The following LRBA variants were observed in gnomAD, a reference collection of about 807,000 sequenced individuals.
LRBA encodes LPS responsive beige-like anchor protein, also known as lipopolysaccharide-responsive and beige-like anchor protein.
In LRBA, 176 loss-of-function variants were observed where a neutral mutation model predicts 330.0. That is an observed-to-expected ratio of 0.53 (90% CI 0.47 to 0.60). The LOEUF is 0.60. LRBA is among the 20% of genes least tolerant of loss of function. The pLI, the probability that LRBA is intolerant of heterozygous loss-of-function variation, is 0.00. For missense variants in LRBA, 3,259 were observed against 3,444.8 expected, an observed-to-expected ratio of 0.95 and a Z score of 1.35; for synonymous variants, 1,230 against 1,193.0, an observed-to-expected ratio of 1.03 and a Z score of -0.64.
At chr4:150,946,234 T>A (rs1311810986) in intron 2 of LRBA, among the ~76,000 whole-genome samples, 1 of 151,952 alleles carries the variant, frequency 6.6e-6, no homozygotes, top group African/African-American at 2.4e-5. Context: ...AAACAGAAAA[T>A]CAGAAAGGAT....
chr4:150,934,477 C>T (rs1734856452), intron 2 of LRBA, among the ~76,000 whole-genome samples: 1 of 152,212 alleles, frequency 6.6e-6, no homozygotes, highest in South Asian at 2.1e-4. Flanking sequence ...ATGCCAGGCC[C>T]TGAGGAAATA....
intron 36 of LRBA, among the ~76,000 whole-genome samples, chr4:150,718,281 CCT>C (rs1300071582): frequency 6.6e-6 from 1 of 152,120 alleles, no homozygotes; most frequent in Non-Finnish European, 1.5e-5. Flanking sequence ...TGTCATCAAT[CCT>C]CTGATAATAA....
At chr4:150,473,463 A>G (rs1231655573) in intron 42 of LRBA, among the ~76,000 whole-genome samples, 1 of 152,204 alleles carries the variant, frequency 6.6e-6, no homozygotes, top group Non-Finnish European at 1.5e-5. Flanking sequence ...TACTTGAACC[A>G]GTGGGCTTAG....
intron 47 of LRBA, among the ~76,000 whole-genome samples, chr4:150,396,998 T>C (rs1203208160): frequency 6.6e-6 from 1 of 152,136 alleles, no homozygotes; most frequent in Non-Finnish European, 1.5e-5. Flanking sequence ...TAACTAATCA[T>C]TAAAAACATT....
chr4:150,569,523 C>A (rs949939040), intron 40 of LRBA, among the ~76,000 whole-genome samples: 11 of 152,062 alleles, frequency 7.2e-5, no homozygotes, highest in Non-Finnish European at 1.5e-4. Flanking sequence ...TGTGGGCTTG[C>A]CATTTCATCC....
At chr4:150,931,435 G>A (rs1199251499) in intron 2 of LRBA, among the ~76,000 whole-genome samples, 4 of 150,776 alleles carry the variant, frequency 2.7e-5, no homozygotes, top group Non-Finnish European at 4.4e-5. Flanking sequence ...TATGATAAAA[G>A]TGACATGCAA....
rs193102511 is a variant in LRBA, at chr4:150,469,909, G to A, written c.6667+1715C>T. Among the ~76,000 whole-genome samples, 5 of 152,304 alleles carry A rather than the reference G, an allele frequency of 3.3e-5. No individual in the cohort carries two copies. In the East Asian group the frequency reaches 9.7e-4, roughly 29 times the overall value. On this transcript the variant is annotated intron_variant, in intron 43 of 56. Transcript: ENST00000651943. ...TTAAAATAACCATAATTGGCAGGGCGTGGTGGCTCACGCCTGTAATCCTAG... is the reference window on the plus strand; with the variant it reads ...TTAAAATAACCATAATTGGCAGGGCATGGTGGCTCACGCCTGTAATCCTAG...
intron 22 of LRBA, among the ~76,000 whole-genome samples, chr4:150,863,671 C>T (rs1752276351): frequency 6.6e-6 from 1 of 152,080 alleles, no homozygotes; most frequent in African/African-American, 2.4e-5. Context: ...TGAGCTTACA[C>T]AGCTAATAAT....
At chr4:150,732,466 G>T (rs1055796702) in intron 36 of LRBA, among the ~76,000 whole-genome samples, 1 of 151,914 alleles carries the variant, frequency 6.6e-6, no homozygotes, top group African/African-American at 2.4e-5. Context: ...TCAACAGTAC[G>T]TTATCATTCT....
At chr4:150,873,754 T>C (rs750849293) in intron 17 of LRBA, among the ~76,000 whole-genome samples, 1 of 152,126 alleles carries the variant, frequency 6.6e-6, no homozygotes, top group Non-Finnish European at 1.5e-5. Flanking sequence ...TTATAAAAAT[T>C]AAGGATATCA....
chr4:150,949,534 C>T (rs1736598510), intron 2 of LRBA, among the ~76,000 whole-genome samples: 1 of 151,980 alleles, frequency 6.6e-6, no homozygotes, highest in African/African-American at 2.4e-5. Context: ...TTGGGGGAAA[C>T]CGGATAAAGA....
intron 44 of LRBA, among the ~76,000 whole-genome samples, chr4:150,448,710 G>A (rs1211496802): frequency 6.7e-6 from 1 of 148,532 alleles, no homozygotes; most frequent in African/African-American, 2.5e-5. Flanking sequence ...GCTGAGGCAG[G>A]AGAATTGCTT....
At chr4:150,323,673 A>C (rs1040998212) in intron 49 of LRBA, among the ~76,000 whole-genome samples, 1 of 152,190 alleles carries the variant, frequency 6.6e-6, no homozygotes, top group African/African-American at 2.4e-5. Context: ...AGAGCTCCTG[A>C]TGCAGGCAAG....
At chr4:150,387,022 T>C (rs891380421) in intron 47 of LRBA, among the ~76,000 whole-genome samples, 7 of 152,206 alleles carry the variant, frequency 4.6e-5, no homozygotes, top group African/African-American at 7.2e-5. Context: ...ATCAGTGATG[T>C]TGAGCTTTTT....
intron 2 of LRBA, among the ~76,000 whole-genome samples, chr4:150,961,943 T>C (rs1738194824): frequency 6.7e-6 from 1 of 149,286 alleles, no homozygotes; most frequent in Admixed American, 6.6e-5. Flanking sequence ...TGTATTTTTA[T>C]TTGAGGAAAC....
At chr4:150,269,855 A>G (rs1745838672) in intron 56 of LRBA, among the ~76,000 whole-genome samples, 1 of 152,076 alleles carries the variant, frequency 6.6e-6, no homozygotes, top group Non-Finnish European at 1.5e-5. Flanking sequence ...GAGGCGGGAG[A>G]ATCATTTGAG....
chr4:150,592,374 T>A (rs1413827942), intron 38 of LRBA, among the ~76,000 whole-genome samples: 1 of 151,004 alleles, frequency 6.6e-6, no homozygotes, highest in African/African-American at 2.4e-5. Flanking sequence ...GGTAAAAGGT[T>A]TTTTTTTTCT....
At chr4:150,883,749 T>C (rs963743783) in intron 17 of LRBA, among the ~76,000 whole-genome samples, 9 of 152,214 alleles carry the variant, frequency 5.9e-5, no homozygotes, top group African/African-American at 1.7e-4. Context: ...TAAATATTTC[T>C]ACCCAGTTTA....
chr4:150,749,661 C>G (rs1264486425), intron 35 of LRBA, among the ~76,000 whole-genome samples: 3 of 152,046 alleles, frequency 2.0e-5, no homozygotes, highest in African/African-American at 7.2e-5. Context: ...ACTCAGGAGG[C>G]TGAGGTGGGA....
Sources: allele counts gnomAD v4.1 joint callset (sites outside exome capture counted in the v4.1 genomes callset), GRCh38; gene constraint gnomAD v4.1.1; transcripts MANE v1.5; gene names NCBI Gene and HGNC (gene_info 2026-07-23, HGNC 2026-07-21).